DSP: variants seen among roughly 807,000 people sequenced by gnomAD.
DSP encodes the protein 250/210 kDa paraneoplastic pemphigus antigen.
A neutral mutation model predicts 290.6 loss-of-function variants in DSP; 114 were observed. That is an observed-to-expected ratio of 0.39 (90% CI 0.34 to 0.46). The LOEUF (loss-of-function observed/expected upper bound fraction) is 0.46, where lower values mean the gene tolerates loss of function less well. Among genes scored for constraint, DSP ranks in the 20% least tolerant of loss-of-function variants. DSP has a pLI of 0.99. For missense variants in DSP, 3,230 were observed against 3,495.8 expected, an observed-to-expected ratio of 0.92 and a Z score of 1.92; for synonymous variants, 1,311 against 1,316.4, an observed-to-expected ratio of 1.00 and a Z score of 0.09.
In DSP at chr6:7,541,935, C is replaced by T; in HGVS notation, c.20C>T (p.Ser7Phe). 1 of 1,609,450 alleles carries T rather than the reference C, an allele frequency of 6.2e-7. No individual in the cohort carries two copies. Among genetic ancestry groups the T allele is most frequent in the Non-Finnish European group, 8.5e-7 (1 of 1,178,830 alleles). MSCNGG[S>F]HPRINTLGRM... ...GCCGACATGAGCTGCAACGGAGGCT[C>T]CCACCCGCGGATCAACACTCTGGGC... The change falls in exon 1 of 24, where the codon TCC (serine) becomes TTC (phenylalanine). Residue 7 changes from serine to phenylalanine, a missense_variant. Physicochemically the swap from Ser to Phe is radical, Grantham distance 155. Around this residue, in one of 5 missense-constraint regions of DSP, gnomAD observed 646 missense variants for 684.3 expected, o/e 0.94. Coordinates refer to ENST00000379802, the MANE Select transcript of DSP (RefSeq NM_004415.4).
Position 7,561,076 on chromosome 6 carries a change from C to T in DSP, c.598-1576C>T, listed in dbSNP as rs181384897. ...AAGCAATTCTCCTGCTTCAGCCTGC[C>T]GAGTATCTGGGACTACAGGCGTGTG... On this transcript the variant is annotated intron_variant, in intron 4 of 23. Coordinates refer to ENST00000379802, the MANE Select transcript of DSP (RefSeq NM_004415.4). Among the ~76,000 whole-genome samples the T allele has an allele frequency of 2.8e-4, 42 of 152,006 alleles. No individual in the cohort carries two copies. In the East Asian group the frequency reaches 7.9e-3, roughly 29 times the overall value.
intron 17 of DSP, 97 bp from the exon 18 acceptor site, chr6:7,575,198 T>G (rs1759197299): frequency 8.8e-7 from 1 of 1,136,832 alleles, no homozygotes; most frequent in Non-Finnish European, 1.3e-6. Context: ...TATTCTAAAG[T>G]GTTTTATAAA....
Position 7,584,819 on chromosome 6 carries a change from G to A in DSP, c.7557G>A (p.Leu2519=), listed in dbSNP as rs397516957. 203 of 1,614,168 alleles carry A rather than the reference G, an allele frequency of 1.3e-4. 3 individuals carry two copies. The South Asian group carries it at 2.1e-3, about 17-fold the overall frequency. ...TGSDGSTRVV[L]VDRKTGSQYD... is the part of the protein sequence containing the mutation. ...CAGATGGCTCCACCAGGGTGGTCCT[G>A]GTAGATAGAAAGACAGGCAGTCAGT... is the stretch of plus-strand genomic sequence containing the variant. The change falls in exon 24 of 24, where the codon CTG becomes CTA. Residue 2519 remains leucine (L), a synonymous_variant. Transcript: ENST00000379802. The surrounding 1 kb of genome is among the most constrained non-coding windows in gnomAD (Gnocchi z 6.4).
rs780657950 is a variant in DSP, at chr6:7,584,049, A to G, written c.6787A>G (p.Ile2263Val). Residue 2263 changes from isoleucine (I) to valine (V), a missense_variant, in exon 24 of 24, where the codon ATA (isoleucine) becomes GTA (valine). Transcript: ENST00000379802. The surrounding 1 kb of genome is among the most constrained non-coding windows in gnomAD (Gnocchi z 6.4). ...FLQGSSCIAG[I>V]YNETTKQKLG... ...CCAGGGTTCAAGCTGCATAGCAGGC[A>G]TATACAATGAGACCACAAAACAGAA... 6 of 1,614,236 alleles carry G rather than the reference A, an allele frequency of 3.7e-6. No homozygotes were observed. Among genetic ancestry groups the G allele is most frequent in the South Asian group, 1.1e-5 (1 of 91,078 alleles).
chr6:7,567,967 C>T, intron 10 of DSP, 61 bp downstream of exon 10: 1 of 1,602,908 alleles, frequency 6.2e-7, no homozygotes. Context: ...AAACACATGC[C>T]TTGGATGCAG....
At chr6:7,545,607 A>G (rs996653932) in intron 1 of DSP, among the ~76,000 whole-genome samples, 10 of 152,104 alleles carry the variant, frequency 6.6e-5, no homozygotes, top group African/African-American at 1.9e-4. Context: ...CAAGGTGGAA[A>G]TCTATAGCCT....
intron 4 of DSP, among the ~76,000 whole-genome samples, chr6:7,560,721 G>C (rs958540269): frequency 3.9e-5 from 6 of 152,124 alleles, no homozygotes; most frequent in Non-Finnish European, 8.8e-5. Context: ...AGCTGATGGG[G>C]CTTAACTACA....
At chr6:7,548,473 C>T (rs1758236144) in intron 1 of DSP, among the ~76,000 whole-genome samples, 1 of 151,890 alleles carries the variant, frequency 6.6e-6, no homozygotes, top group Non-Finnish European at 1.5e-5. Flanking sequence ...AGGTCACAGG[C>T]TGTATAACTG....
In DSP at chr6:7,584,763, T is replaced by C. The variant is rs776405018; in HGVS notation, c.7501T>C (p.Cys2501Arg). Residue 2501 changes from cysteine (C) to arginine (R), a missense_variant, in exon 24 of 24, where the codon TGT becomes CGT. Around this residue, in one of 5 missense-constraint regions of DSP, gnomAD observed 582 missense variants for 555.4 expected, o/e 1.05. Transcript: ENST00000379802. The surrounding 1 kb of genome is among the most constrained non-coding windows in gnomAD (Gnocchi z 6.4). ...CTTCAAAGAACTGTGTGAGCAGGAA[T>C]GTGAATGGGAAGAAATAACCATCAC... The part of the protein sequence containing the change: ...ETFKELCEQE[C>R]EWEEITITGS... 2.5e-6 allele frequency: 4 copies of C among 1,614,218 alleles called. No homozygotes were observed. The highest frequency in any genetic ancestry group is 1.6e-4 in the Middle Eastern group (1 of 6,062).
In DSP at chr6:7,580,876, T is replaced by A. The variant is rs898212782; in HGVS notation, c.4686T>A (p.Ser1562=). The A allele has an allele frequency of 5.6e-6, 9 of 1,614,062 alleles. No homozygotes were observed. The highest frequency in any genetic ancestry group is 7.6e-6 in the Non-Finnish European group (9 of 1,180,022). The part of the protein sequence containing the change: ...KDQDITRFQN[S]LKELQLQKQK... ...AGGATATCACGCGGTTCCAGAACTC[T>A]CTGAAAGAGCTGCAGCTGCAGAAGC... Residue 1562 remains serine (S), a synonymous_variant, in exon 23 of 24, where the codon TCT becomes TCA. Transcript: ENST00000379802. The surrounding 1 kb of genome is among the most constrained non-coding windows in gnomAD (Gnocchi z 4.2).
At chr6:7,561,146 GT>G (rs1301444361) in intron 4 of DSP, among the ~76,000 whole-genome samples, 1 of 152,008 alleles carries the variant, frequency 6.6e-6, no homozygotes, top group Admixed American at 6.6e-5. Flanking sequence ...AGAGACGGGG[GT>G]TTTGCCATAT....
At chr6:7,551,641 A>G (rs76409966) in intron 1 of DSP, among the ~76,000 whole-genome samples, 2 of 150,392 alleles carry the variant, frequency 1.3e-5, no homozygotes, top group African/African-American at 2.5e-5. Flanking sequence ...AAAAAAAAAA[A>G]CAGGCATGTT....
At chr6:7,568,383 C>G in intron 10 of DSP, 54 bp from the exon 11 acceptor site, 12 of 1,597,542 alleles carry the variant, frequency 7.5e-6, no homozygotes, top group Non-Finnish European at 1.0e-5. Flanking sequence ...TGAAAATCTC[C>G]TCTAAAACTC....
In DSP at chr6:7,583,060, C is replaced by G. The variant is rs558069434; in HGVS notation, c.5798C>G (p.Ser1933Cys). ...ETQSQLETER[S>C]RYQREIDKLR... Reference sequence around the variant, plus strand: ...CAGTCACAGTTAGAAACAGAACGCTCCCGATATCAGAGGGAGATTGATAAA... The same window carrying G: ...CAGTCACAGTTAGAAACAGAACGCTGCCGATATCAGAGGGAGATTGATAAA... The change falls in exon 24 of 24, where the codon TCC becomes TGC. Residue 1933 changes from serine (S) to cysteine (C), a missense_variant. Transcript: ENST00000379802. This position sits in a 1 kb window ranked among gnomAD's most constrained non-coding sequence, Gnocchi z 4.0. The G allele has an allele frequency of 5.0e-6, 8 of 1,613,836 alleles. No homozygotes were observed. In the African/African-American group the frequency reaches 6.7e-5, roughly 13 times the overall value.
At chr6:7,572,485 A>G (rs185940578) in intron 15 of DSP, among the ~76,000 whole-genome samples, 101 of 152,290 alleles carry the variant, frequency 6.6e-4, no homozygotes, top group African/African-American at 2.3e-3. Context: ...TAACTCAGTG[A>G]TGTTTTCTGC....
chr6:7,570,352 C>T, intron 12 of DSP, 85 bp from the exon 13 acceptor site: 1 of 1,598,878 alleles, frequency 6.3e-7, no homozygotes, highest in East Asian at 2.2e-5. Flanking sequence ...GGTTTTTGTG[C>T]AGTGGTGTGA....
In DSP at chr6:7,581,433, C is replaced by A; in HGVS notation, c.5243C>A (p.Thr1748Asn). The A allele has an allele frequency of 6.2e-7, 1 of 1,612,924 alleles. No individual in the cohort carries two copies. The highest frequency in any genetic ancestry group is 8.5e-7 in the Non-Finnish European group (1 of 1,179,572). Residue 1748 changes from threonine (T) to asparagine (N), a missense_variant, in exon 23 of 24, where the codon ACC (threonine) becomes AAC (asparagine). Thr to Asn is a moderately conservative substitution (Grantham distance 65, BLOSUM62 0). Coordinates refer to ENST00000379802, the MANE Select transcript of DSP (RefSeq NM_004415.4). ...GAAGCGGACAGTGATAAAAATGCAA[C>A]CATCTTGGAACTAAGGAGCCAGCTG... ...RSEADSDKNA[T>N]ILELRSQLQI...
chr6:7,545,964 G>C (rs890550779), intron 1 of DSP, among the ~76,000 whole-genome samples: 2 of 152,222 alleles, frequency 1.3e-5, no homozygotes, highest in Non-Finnish European at 2.9e-5. Context: ...AGGCATTGGA[G>C]ACCTTGAATG....
rs373414877 is a variant in DSP, at chr6:7,585,921, T to A, written c.*43T>A. Reference sequence around the variant, plus strand: ...TTGCTATACCTTGACTTCATTTATATGAATTTCCACTTTATTAAATAATAG... The same window carrying A: ...TTGCTATACCTTGACTTCATTTATAAGAATTTCCACTTTATTAAATAATAG... On this transcript the variant is annotated 3_prime_UTR_variant, in exon 24 of 24. Coordinates refer to ENST00000379802, the MANE Select transcript of DSP (RefSeq NM_004415.4). 3.2e-4 allele frequency: 512 copies of A among 1,576,404 alleles called. 3 individuals carry two copies. Among genetic ancestry groups the A allele is most frequent in the Middle Eastern group, 1.7e-4 (1 of 6,018 alleles).
Sources: allele counts gnomAD v4.1 joint callset (sites outside exome capture counted in the v4.1 genomes callset), GRCh38; gene constraint gnomAD v4.1.1; regional missense constraint gnomAD v4.1.1; non-coding constraint Gnocchi (gnomAD v3.1); transcripts MANE v1.5; gene names NCBI Gene and HGNC (gene_info 2026-07-23, HGNC 2026-07-21).